Variants in MNAT1 observed in about 807,000 individuals in gnomAD.
MNAT1 encodes the protein CDK-activating kinase assembly factor MAT1.
MNAT1 carries 43 observed loss-of-function variants against 42.0 expected under a neutral mutation model. The ratio of observed to expected loss-of-function variants is 1.02; its 90% confidence interval spans 0.80 to 1.32. MNAT1 has a LOEUF of 1.32. Among genes scored for constraint, MNAT1 ranks in the 40% most tolerant of loss-of-function variants. The pLI is 0.00. For synonymous variants in MNAT1, 118 were observed against 120.0 expected (o/e 0.98, Z 0.11); for missense variants, 306 against 350.4 (o/e 0.87, Z 1.01).
At chr14:60,813,916 A>T (rs1384290574) in intron 5 of MNAT1, among the ~76,000 whole-genome samples, 1 of 152,174 alleles carries the variant, frequency 6.6e-6, no homozygotes, top group Admixed American at 6.5e-5. Flanking sequence ...CGATGTTAAA[A>T]TGAGGTTCTA....
At chr14:60,737,851 CT>C (rs774334245) in intron 1 of MNAT1, among the ~76,000 whole-genome samples, 176 of 140,246 alleles carry the variant, frequency 1.3e-3, no homozygotes, top group Middle Eastern at 7.4e-3. Flanking sequence ...AAACCCTATC[CT>C]TTTTTTTTTT....
intron 6 of MNAT1, among the ~76,000 whole-genome samples, chr14:60,863,915 A>G (rs1390832907): frequency 1.3e-5 from 2 of 151,994 alleles, no homozygotes; most frequent in Admixed American, 6.6e-5. Flanking sequence ...GCCAGGAATT[A>G]CTCTTCTTAG....
chr14:60,899,749 A>G (rs2035033711), intron 7 of MNAT1, among the ~76,000 whole-genome samples: 1 of 152,240 alleles, frequency 6.6e-6, no homozygotes, highest in Non-Finnish European at 1.5e-5. Flanking sequence ...CCAGTTCACA[A>G]AAATACAGGT....
At chr14:60,884,731 A>T (rs535051690) in intron 7 of MNAT1, among the ~76,000 whole-genome samples, 3 of 152,064 alleles carry the variant, frequency 2.0e-5, no homozygotes, top group Non-Finnish European at 4.4e-5. Context: ...TAGTTTATCT[A>T]CCATGATTAC....
At chr14:60,862,529 T>C (rs1459681049) in intron 6 of MNAT1, among the ~76,000 whole-genome samples, 2 of 152,204 alleles carry the variant, frequency 1.3e-5, no homozygotes, top group African/African-American at 4.8e-5. Context: ...CAGGTTCAAC[T>C]TGTCCGTGAG....
chr14:60,848,710 A>G (rs865991308), intron 6 of MNAT1, among the ~76,000 whole-genome samples: 6 of 152,128 alleles, frequency 3.9e-5, no homozygotes, highest in African/African-American at 7.2e-5. Flanking sequence ...TATTTACTCT[A>G]TATATGTCAC....
intron 6 of MNAT1, among the ~76,000 whole-genome samples, chr14:60,877,060 C>G (rs939802834): frequency 6.6e-6 from 1 of 152,040 alleles, no homozygotes; most frequent in African/African-American, 2.4e-5. Context: ...TAGCAATGCA[C>G]AAGAGTTCAG....
chr14:60,916,254 A>T (rs2139540328), intron 7 of MNAT1, among the ~76,000 whole-genome samples: 1 of 152,344 alleles, frequency 6.6e-6, no homozygotes, highest in South Asian at 2.1e-4. Context: ...ACATTTAAAA[A>T]TGACATATTG....
chr14:60,837,239 C>T (rs962217703), intron 6 of MNAT1, among the ~76,000 whole-genome samples: 9 of 152,176 alleles, frequency 5.9e-5, no homozygotes, highest in African/African-American at 2.2e-4. Flanking sequence ...ATGGTTCTGT[C>T]TCTCTGTCAT....
intron 1 of MNAT1, among the ~76,000 whole-genome samples, chr14:60,769,837 G>T (rs1258470409): frequency 6.6e-6 from 1 of 151,516 alleles, no homozygotes; most frequent in Non-Finnish European, 1.5e-5. Flanking sequence ...TTTTTAAAAT[G>T]TTTTTTTTGT....
At chr14:60,907,768 G>A (rs1330553633) in intron 7 of MNAT1, among the ~76,000 whole-genome samples, 2 of 105,390 alleles carry the variant, frequency 1.9e-5, no homozygotes, top group Non-Finnish European at 3.7e-5. Flanking sequence ...GACAACAAGA[G>A]CGAAACTGTG....
intron 1 of MNAT1, among the ~76,000 whole-genome samples, chr14:60,749,370 A>G (rs916048671): frequency 1.3e-5 from 2 of 152,224 alleles, no homozygotes; most frequent in African/African-American, 4.8e-5. Context: ...AGGGATACAA[A>G]TACAAATAGA....
chr14:60,964,543 CCTGGTTTCTG>C (rs2036649513), intron 7 of MNAT1, among the ~76,000 whole-genome samples: 1 of 152,112 alleles, frequency 6.6e-6, no homozygotes. Flanking sequence ...TTTTTACTTT[CCTGGTTTCTG>C]CTTATACGAT....
chr14:60,860,056 T>C (rs954181159), intron 6 of MNAT1, among the ~76,000 whole-genome samples: 2 of 152,208 alleles, frequency 1.3e-5, no homozygotes, highest in African/African-American at 2.4e-5. Flanking sequence ...TGATAATTAA[T>C]GTGTTTTGTA....
rs12147818 is a variant in MNAT1 at position 60,772,063 on chromosome 14, G to A, written c.90-24154G>A. Among the ~76,000 whole-genome samples, 629 of 152,232 alleles carry A rather than the reference G, an allele frequency of 4.1e-3. 1 individual carries two copies. The highest frequency in any genetic ancestry group is 6.9e-3 in the Non-Finnish European group (468 of 67,990). ...CACTTGTTTAGATGAATTAAAGAGC[G>A]CATTTTTAAGGGCTCTAAGATTATT... On this transcript the variant is annotated intron_variant, in intron 1 of 7. Transcript: ENST00000261245.
In MNAT1 at chr14:60,863,570, A is replaced by G. The variant is rs543940142; in HGVS notation, c.688-16144A>G. 2.0e-4 allele frequency among the ~76,000 whole-genome samples: 30 copies of G among 152,232 alleles called. 1 individual carries two copies. The highest frequency in any genetic ancestry group is 6.8e-3 in the Middle Eastern group (2 of 294). On this transcript the variant is annotated intron_variant, in intron 6 of 7. Coordinates refer to ENST00000261245, the MANE Select transcript of MNAT1 (RefSeq NM_002431.4). Reference sequence around the variant, plus strand: ...AACTGCTTTCTTTGTCCTCTAGGGCATTGTTTTACTAAATATACCTATCCA... The same window carrying G: ...AACTGCTTTCTTTGTCCTCTAGGGCGTTGTTTTACTAAATATACCTATCCA...
intron 7 of MNAT1, among the ~76,000 whole-genome samples, chr14:60,940,823 T>G (rs1389039141): frequency 6.6e-6 from 1 of 152,158 alleles, no homozygotes; most frequent in East Asian, 1.9e-4. Flanking sequence ...TCCTTATTCC[T>G]TCTCACAAAT....
At chr14:60,768,455 C>A (rs1055948533) in intron 1 of MNAT1, among the ~76,000 whole-genome samples, 4 of 152,116 alleles carry the variant, frequency 2.6e-5, no homozygotes, top group Admixed American at 6.6e-5. Flanking sequence ...AACACAAGGA[C>A]AAATTACAAA....
intron 7 of MNAT1, among the ~76,000 whole-genome samples, chr14:60,896,114 A>G (rs779502968): frequency 6.6e-6 from 1 of 152,218 alleles, no homozygotes; most frequent in Non-Finnish European, 1.5e-5. Flanking sequence ...AGAGAAATAG[A>G]TGAAGAATAT....
Sources: gnomAD v4.1 joint callset for allele counts (sites outside exome capture counted in the v4.1 genomes callset) on GRCh38, gnomAD v4.1.1 for gene constraint, MANE v1.5 for transcripts, NCBI Gene and HGNC (gene_info 2026-07-23, HGNC 2026-07-21) for gene names.